ZNF423: variants seen among roughly 807,000 people sequenced by gnomAD.
ZNF423 encodes zinc finger protein 423.
In ZNF423, 12 loss-of-function variants were observed where a neutral mutation model predicts 95.8. The ratio of observed to expected loss-of-function variants is 0.13; its 90% confidence interval spans 0.08 to 0.20. ZNF423 has a LOEUF of 0.20. Ranked by LOEUF, ZNF423 falls within the 10% of genes least tolerant of loss-of-function variation. The pLI is 1.00. For missense variants in ZNF423, 1,316 were observed against 1,737.1 expected, an observed-to-expected ratio of 0.76 and a Z score of 4.31; for synonymous variants, 749 against 711.9, an observed-to-expected ratio of 1.05 and a Z score of -0.83.
intron 3 of ZNF423, among the ~76,000 whole-genome samples, chr16:49,659,391 C>A (rs751967272): frequency 2.0e-5 from 3 of 152,212 alleles, no homozygotes; most frequent in Non-Finnish European, 4.4e-5. Flanking sequence ...TGTGCTCGGC[C>A]GTTTTACTAT....
chr16:49,497,496 A>G (rs1967209732), intron 7 of ZNF423, among the ~76,000 whole-genome samples: 1 of 152,182 alleles, frequency 6.6e-6, no homozygotes, highest in African/African-American at 2.4e-5. Context: ...CCTATAGCAT[A>G]TGAAGGCACA....
intron 5 of ZNF423, among the ~76,000 whole-genome samples, chr16:49,589,499 T>A (rs940060840): frequency 2.4e-5 from 3 of 125,104 alleles, no homozygotes; most frequent in African/African-American, 1.2e-4. Flanking sequence ...AGTACTTTGA[T>A]TTTTTTTTTT....
chr16:49,690,571 G>T (rs2031740017), intron 3 of ZNF423, among the ~76,000 whole-genome samples: 1 of 152,182 alleles, frequency 6.6e-6, no homozygotes, highest in South Asian at 2.1e-4. Context: ...TTTTCATGAT[G>T]TGACATCATC....
In ZNF423 at chr16:49,636,406, C is replaced by T; in HGVS notation, c.2770G>A (p.Asp924Asn). 6.2e-7 allele frequency: 1 copy of T among 1,613,328 alleles called. No homozygotes were observed. The highest frequency in any genetic ancestry group is 8.5e-7 in the Non-Finnish European group (1 of 1,180,030). The part of the protein sequence containing the change: ...LRDHNIRPGE[D>N]DGSRKKAEFI... ...TCAGCCTTCTTGCGTGAGCCATCAT[C>T]CTCGCCCGGCCGGATATTGTGGTCC... Residue 924 changes from aspartate (D) to asparagine (N), a missense_variant, in exon 4 of 8, where the codon GAT (aspartate) becomes AAT (asparagine). Asp to Asn is a conservative substitution (Grantham distance 23). Transcript: ENST00000563137. This position sits in a 1 kb window ranked among gnomAD's most constrained non-coding sequence, Gnocchi z 8.6.
chr16:49,645,802 G>T (rs983783757), intron 3 of ZNF423, among the ~76,000 whole-genome samples: 1 of 152,202 alleles, frequency 6.6e-6, no homozygotes, highest in Non-Finnish European at 1.5e-5. Context: ...TAGCGATAGT[G>T]AGTAAGTTCT....
At chr16:49,681,096 C>A (rs1014758024) in intron 3 of ZNF423, among the ~76,000 whole-genome samples, 1 of 152,182 alleles carries the variant, frequency 6.6e-6, no homozygotes, top group Non-Finnish European at 1.5e-5. Context: ...CCAACAGGCT[C>A]GCCCAAACTC....
chr16:49,493,077 G>GTTTC (rs1967036309), intron 7 of ZNF423, among the ~76,000 whole-genome samples: 1 of 152,080 alleles, frequency 6.6e-6, no homozygotes, highest in Admixed American at 6.5e-5. Context: ...GCCACAGATG[G>GTTTC]GATGCAGGCG....
chr16:49,809,882 G>A (rs945120591), intron 1 of ZNF423, among the ~76,000 whole-genome samples: 12 of 152,238 alleles, frequency 7.9e-5, no homozygotes, highest in African/African-American at 2.2e-4. Flanking sequence ...CTTATGAACC[G>A]CATGAGAGTG....
chr16:49,608,447 C>T (rs1355045043), intron 5 of ZNF423, among the ~76,000 whole-genome samples: 1 of 152,194 alleles, frequency 6.6e-6, no homozygotes, highest in Non-Finnish European at 1.5e-5. Flanking sequence ...GTTGCCTGTG[C>T]TGCTTCCAGA....
intron 1 of ZNF423, among the ~76,000 whole-genome samples, chr16:49,843,800 A>AC (rs2035215664): frequency 8.5e-6 from 1 of 117,580 alleles, no homozygotes. Context: ...AGCTGGCCCC[A>AC]CCCCTCACTC....
intron 5 of ZNF423, among the ~76,000 whole-genome samples, chr16:49,563,842 T>C (rs1970095467): frequency 6.6e-6 from 1 of 152,238 alleles, no homozygotes; most frequent in Non-Finnish European, 1.5e-5. Flanking sequence ...TGATTGCTCA[T>C]CAGGCAAGAA....
At chr16:49,729,694 A>T (rs1346575032) in intron 3 of ZNF423, among the ~76,000 whole-genome samples, 1 of 149,982 alleles carries the variant, frequency 6.7e-6, no homozygotes, top group Non-Finnish European at 1.5e-5. Flanking sequence ...TTTTAAAAAT[A>T]TCTGTTCCTC....
At chr16:49,756,502 T>C (rs1002905779) in intron 2 of ZNF423, among the ~76,000 whole-genome samples, 4 of 152,154 alleles carry the variant, frequency 2.6e-5, no homozygotes, top group African/African-American at 9.7e-5. Flanking sequence ...TCCCCGGAGT[T>C]CCAACACTGG....
intron 5 of ZNF423, among the ~76,000 whole-genome samples, chr16:49,594,076 C>A (rs1376522128): frequency 6.6e-6 from 1 of 152,164 alleles, no homozygotes; most frequent in African/African-American, 2.4e-5. Flanking sequence ...TGAGAACCAT[C>A]CCCTCCCCTC....
chr16:49,652,648 G>A (rs949913751), intron 3 of ZNF423, among the ~76,000 whole-genome samples: 1 of 152,234 alleles, frequency 6.6e-6, no homozygotes, highest in Non-Finnish European at 1.5e-5. Context: ...AAGGGCCTGA[G>A]CAAAGGGCGC....
chr16:49,628,894 G>A (rs1195542636), intron 4 of ZNF423, among the ~76,000 whole-genome samples: 1 of 152,216 alleles, frequency 6.6e-6, no homozygotes, highest in African/African-American at 2.4e-5. Flanking sequence ...GGACAGAGGT[G>A]GTGTTGCCCA....
At chr16:49,789,133 A>G (rs1327066986) in intron 2 of ZNF423, among the ~76,000 whole-genome samples, 2 of 152,090 alleles carry the variant, frequency 1.3e-5, no homozygotes, top group Non-Finnish European at 2.9e-5. Context: ...CTGGAGTTTA[A>G]AAGTCCTATT....
chr16:49,648,660 A>G (rs1973272474), intron 3 of ZNF423, among the ~76,000 whole-genome samples: 1 of 134,496 alleles, frequency 7.4e-6, no homozygotes, highest in Non-Finnish European at 1.5e-5. Flanking sequence ...TCAAAAAAAA[A>G]AGAAAAAAGA....
At chr16:49,783,847 G>A (rs898701193) in intron 2 of ZNF423, among the ~76,000 whole-genome samples, 8 of 151,902 alleles carry the variant, frequency 5.3e-5, no homozygotes, top group Non-Finnish European at 1.5e-5. Flanking sequence ...GCACGTGCCT[G>A]TAGTCCCAGC....
Sources: allele counts gnomAD v4.1 joint callset (sites outside exome capture counted in the v4.1 genomes callset), GRCh38; gene constraint gnomAD v4.1.1; non-coding constraint Gnocchi (gnomAD v3.1); transcripts MANE v1.5; gene names NCBI Gene and HGNC (gene_info 2026-07-23, HGNC 2026-07-21).